The following CTSE variants were observed in gnomAD, a reference collection of about 807,000 sequenced individuals.
CTSE encodes cathepsin E, also known as erythrocyte membrane aspartic proteinase.
Under a neutral mutation model 42.8 loss-of-function variants are expected in CTSE, and 43 were observed. The ratio of observed to expected loss-of-function variants is 1.01; its 90% CI spans 0.79 to 1.30. The LOEUF (loss-of-function observed/expected upper bound fraction) is 1.30, where lower values mean the gene tolerates loss of function less well. Ranked by LOEUF, CTSE falls within the 50% of genes most tolerant of loss-of-function variation. The pLI is 0.00. For synonymous variants in CTSE, 205 were observed against 191.5 expected (o/e 1.07, Z -0.58); for missense variants, 532 against 493.5 (o/e 1.08, Z -0.74).
In CTSE at chr1:206,012,429, C is replaced by T. The variant is rs374346429; in HGVS notation, c.928-23G>A. 607 of 1,613,740 alleles carry T rather than the reference C, an allele frequency of 3.8e-4. 5 individuals are homozygous for T. The South Asian group carries it at 6.1e-3, about 16-fold the overall frequency. On this transcript the variant is annotated intron_variant, in intron 7 of 8. Coordinates refer to ENST00000358184, the MANE Select transcript of CTSE (RefSeq NM_001910.4). Reference sequence around the variant, plus strand: ...ATACTAAAACCCAATACGGAGGATCCGTTTAGAGCCTTGCCACCTCCCAAG... The same window carrying T: ...ATACTAAAACCCAATACGGAGGATCTGTTTAGAGCCTTGCCACCTCCCAAG...
At chr1:206,012,684 CT>C in intron 6 of CTSE, 35 bp from the exon 7 acceptor site, 9 of 1,601,104 alleles carry the variant, frequency 5.6e-6, no homozygotes, top group Non-Finnish European at 7.7e-6. Flanking sequence ...CCCACCTTCC[CT>C]CCCCCGGCTC....
chr1:206,012,761 CAT>C, intron 6 of CTSE, 112 bp from the exon 7 acceptor site: 2 of 1,205,854 alleles, frequency 1.7e-6, no homozygotes, highest in Middle Eastern at 5.4e-4. Context: ...TTCCACCCAC[CAT>C]ATGAGTGTTC....
At chr1:206,016,354 G>A (rs782548069) in intron 4 of CTSE, among the ~76,000 whole-genome samples, 1 of 151,998 alleles carries the variant, frequency 6.6e-6, no homozygotes, top group Non-Finnish European at 1.5e-5. Flanking sequence ...TCCTCAAGAA[G>A]AGCCAGTCTC....
In CTSE at chr1:206,010,322, C is replaced by G. The variant is rs782071729; in HGVS notation, c.1052G>C (p.Cys351Ser). 14 of 1,613,530 alleles carry G rather than the reference C, an allele frequency of 8.7e-6. No homozygotes were observed. In the Admixed American group the frequency reaches 1.5e-4, roughly 17 times the overall value. The change falls in exon 9 of 9, where the codon TGC becomes TCC. Residue 351 changes from cysteine (C) to serine (S), a missense_variant. Physicochemically the swap from Cys to Ser is moderately radical, Grantham distance 112. Transcript: ENST00000358184. The part of the protein sequence containing the change: ...LLDFVDGMQF[C>S]SSGFQGLDIH... Reference sequence around the variant, plus strand: ...GTCAAGTCCTTGAAAGCCACTGCTGCAGAACTGCATTCCATCCACGAAGTC... The same window carrying G: ...GTCAAGTCCTTGAAAGCCACTGCTGGAGAACTGCATTCCATCCACGAAGTC...
chr1:206,016,476 T>C lies in CTSE; in HGVS notation c.463-346A>G, dbSNP rs1418105243. Among the ~76,000 whole-genome samples, 7 of 152,098 alleles carry C rather than the reference T, an allele frequency of 4.6e-5. 1 individual carries two copies. Among genetic ancestry groups the C allele is most frequent in the East Asian group, 1.9e-4 (1 of 5,196 alleles). Reference sequence around the variant, plus strand: ...GCTTCTGTCACTCATCATGTGCTTATTGTACACTGTTTTTTTGTAACTTGT... The same window carrying C: ...GCTTCTGTCACTCATCATGTGCTTACTGTACACTGTTTTTTTGTAACTTGT... On this transcript the variant is annotated intron_variant, in intron 4 of 8. Coordinates refer to ENST00000358184, the MANE Select transcript of CTSE (RefSeq NM_001910.4).
In CTSE at chr1:206,021,038, C is replaced by G; in HGVS notation, c.462+11G>C. 8 of 1,566,962 alleles carry G rather than the reference C, an allele frequency of 5.1e-6. No homozygotes were observed. Among genetic ancestry groups the G allele is most frequent in the Non-Finnish European group, 7.0e-6 (8 of 1,136,896 alleles). ...TGTCCAAGAGAGAAAAAATGAAGGA[C>G]TTGCACTCACAGAGACTTGGTCGGC... On this transcript the variant is annotated intron_variant, in intron 4 of 8. Coordinates refer to ENST00000358184, the MANE Select transcript of CTSE (RefSeq NM_001910.4).
chr1:206,013,812 G>C lies in CTSE; in HGVS notation c.745C>G (p.Pro249Ala). 6.2e-7 allele frequency: 1 copy of C among 1,613,750 alleles called. No homozygotes were observed. Among genetic ancestry groups the C allele is most frequent in the Non-Finnish European group, 8.5e-7 (1 of 1,179,846 alleles). Residue 249 changes from proline to alanine, a missense_variant, in exon 6 of 9, where the codon CCA becomes GCA. Pro to Ala is a conservative substitution (Grantham distance 27). Coordinates refer to ENST00000358184, the MANE Select transcript of CTSE (RefSeq NM_001910.4). Reference protein sequence around the residue: ...SHFSGSLNWVPVTKQAYWQIA... With the variant: ...SHFSGSLNWVAVTKQAYWQIA... Reference sequence around the variant, plus strand: ...TGCCAGTAAGCTTGCTTGGTGACTGGGACCCAATTCAGGCTCCCAGAGAAA... The same window carrying C: ...TGCCAGTAAGCTTGCTTGGTGACTGCGACCCAATTCAGGCTCCCAGAGAAA...
Position 206,022,922 on chromosome 1 carries a change from T to C in CTSE, c.204A>G (p.Glu68=), listed in dbSNP as rs1553278674. The C allele has an allele frequency of 3.1e-6, 5 of 1,587,360 alleles. No individual in the cohort carries two copies. The highest frequency in any genetic ancestry group is 1.3e-5 in the African/African-American group (1 of 74,500). ...TCACATCCAAGTAGTTGATGAGGGGTTCCTTGGCACTCTGGTCCATTGAGC... is the reference window on the plus strand; with the variant it reads ...TCACATCCAAGTAGTTGATGAGGGGCTCCTTGGCACTCTGGTCCATTGAGC... ...ESCSMDQSAK[E]PLINYLDMEY... is the part of the protein sequence containing the mutation. Residue 68 remains glutamate, a synonymous_variant, in exon 2 of 9, where the codon GAA becomes GAG. Transcript: ENST00000358184.
chr1:206,013,778 A>G lies in CTSE; in HGVS notation c.779T>C (p.Leu260Pro). ...CTTCATGGGGAATACTCACTTATCC[A>G]GTGCAATCTGCCAGTAAGCTTGCTT... is the stretch of plus-strand genomic sequence containing the variant. ...VTKQAYWQIA[L>P]DNIQVGGTVM... The change falls in exon 6 of 9, where the codon CTG becomes CCG. Residue 260 changes from leucine to proline, a missense_variant. By Grantham distance (98) the Leu-to-Pro change is moderately conservative. Transcript: ENST00000358184. The G allele has an allele frequency of 6.2e-7, 1 of 1,613,684 alleles. No homozygotes were observed. The highest frequency in any genetic ancestry group is 1.7e-5 in the Admixed American group (1 of 59,996).
In CTSE at chr1:206,010,109, T is replaced by C. The variant is rs782118639; in HGVS notation, c.*74A>G. ...ACATTCTCTGGAAAATAACTTTTTGTAGGTGTAAAGAATGCCCCAGCCTAA... is the reference window on the plus strand; with the variant it reads ...ACATTCTCTGGAAAATAACTTTTTGCAGGTGTAAAGAATGCCCCAGCCTAA... On this transcript the variant is annotated 3_prime_UTR_variant, in exon 9 of 9. Transcript: ENST00000358184. The C allele has an allele frequency of 1.3e-6, 2 of 1,577,024 alleles. No individual in the cohort carries two copies. The highest frequency in any genetic ancestry group is 1.7e-5 in the Admixed American group (1 of 59,362).
rs1661527402 is a variant in CTSE at position 206,023,845 on chromosome 1, G to A, written c.-54C>T. 3.2e-6 allele frequency: 5 copies of A among 1,582,972 alleles called. No homozygotes were observed. The highest frequency in any genetic ancestry group is 1.3e-5 in the African/African-American group (1 of 74,120). ...GCCCCCTCCTTTCTTCTCTCCCCGAGGGCAGTGGGAACGGACTTTCCCTAA... is the reference window on the plus strand; with the variant it reads ...GCCCCCTCCTTTCTTCTCTCCCCGAAGGCAGTGGGAACGGACTTTCCCTAA... On this transcript the variant is annotated 5_prime_UTR_variant, in exon 1 of 9. Transcript: ENST00000358184.
intron 4 of CTSE, among the ~76,000 whole-genome samples, chr1:206,019,789 T>C (rs1661361219): frequency 1.4e-5 from 2 of 144,982 alleles, no homozygotes; most frequent in South Asian, 4.3e-4. Context: ...TGTTAATCTA[T>C]TATATAATAG....
Position 206,023,669 on chromosome 1 carries a change from G to A in CTSE, c.68+55C>T, listed in dbSNP as rs369705118. ...AGCTTTCCTACCCCAGAGCAGCCCTGAGTTGCAGGGCATGGGACTACCCAG... is the reference window on the plus strand; with the variant it reads ...AGCTTTCCTACCCCAGAGCAGCCCTAAGTTGCAGGGCATGGGACTACCCAG... On this transcript the variant is annotated intron_variant, in intron 1 of 8. Transcript: ENST00000358184. 1.9e-6 allele frequency: 3 copies of A among 1,552,126 alleles called. No homozygotes were observed. In the African/African-American group the frequency reaches 4.1e-5, roughly 21 times the overall value.
At chr1:206,018,366 T>C (rs1329269653) in intron 4 of CTSE, among the ~76,000 whole-genome samples, 2 of 152,034 alleles carry the variant, frequency 1.3e-5, no homozygotes, top group African/African-American at 4.8e-5. Context: ...GAGAAGAGAT[T>C]GGTCTGTAAT....
At chr1:206,022,042 G>A (rs1255661072) in intron 3 of CTSE, 108 bp downstream of exon 3, 1 of 672,918 alleles carries the variant, frequency 1.5e-6, no homozygotes, top group Admixed American at 2.9e-5. Context: ...TGGTGTGGCA[G>A]GGATGGCCAG....
rs28737183 is a variant in CTSE at position 206,014,356 on chromosome 1, C to G, written c.663-462G>C. ...GCTAATATGAATGTATCATGACTTACTAGAGCCTGAAAACTTATTTTCATT... is the reference window on the plus strand; with the variant it reads ...GCTAATATGAATGTATCATGACTTAGTAGAGCCTGAAAACTTATTTTCATT... On this transcript the variant is annotated intron_variant, in intron 5 of 8. Coordinates refer to ENST00000358184, the MANE Select transcript of CTSE (RefSeq NM_001910.4). Among the ~76,000 whole-genome samples the G allele has an allele frequency of 9.3e-3, 1,418 of 152,134 alleles. 24 individuals are homozygous for G. Among genetic ancestry groups the G allele is most frequent in the African/African-American group, 0.033 (1,366 of 41,540 alleles).
intron 6 of CTSE, among the ~76,000 whole-genome samples, chr1:206,013,251 A>G (rs1285308927): frequency 3.9e-5 from 6 of 152,036 alleles, no homozygotes; most frequent in African/African-American, 1.4e-4. Flanking sequence ...CAGATATTGT[A>G]TATATTTCCT....
At position 206,012,373 on chromosome 1, in the gene CTSE, G is replaced by A; in HGVS notation, c.961C>T (p.Pro321Ser). 1 of 1,613,994 alleles carries A rather than the reference G, an allele frequency of 6.2e-7. No homozygotes were observed. Among genetic ancestry groups the A allele is most frequent in the Non-Finnish European group, 8.5e-7 (1 of 1,179,930 alleles). Residue 321 changes from proline (P) to serine (S), a missense_variant, in exon 8 of 9, where the codon CCG becomes TCG. By Grantham distance (74) the Pro-to-Ser change is moderately conservative. Transcript: ENST00000358184. ...AVECANLNVM[P>S]DVTFTINGVP... Reference sequence around the variant, plus strand: ...CCGTTAATGGTGAAGGTGACATCCGGCATGACGTTAAGGTTGGCACACTCC... The same window carrying A: ...CCGTTAATGGTGAAGGTGACATCCGACATGACGTTAAGGTTGGCACACTCC...
intron 2 of CTSE, among the ~76,000 whole-genome samples, chr1:206,022,651 G>A (rs1414337559): frequency 4.6e-5 from 7 of 151,978 alleles, no homozygotes; most frequent in Non-Finnish European, 8.8e-5. Flanking sequence ...CAGAAGCAGG[G>A]GCCTTCAGTG....
Sources: gnomAD v4.1 joint callset for allele counts (sites outside exome capture counted in the v4.1 genomes callset) on GRCh38, gnomAD v4.1.1 for gene constraint, MANE v1.5 for transcripts, NCBI Gene and HGNC (gene_info 2026-07-23, HGNC 2026-07-21) for gene names.